Variants in PREX2 observed in about 807,000 individuals in gnomAD.
PREX2 encodes phosphatidylinositol 3,4,5-trisphosphate-dependent Rac exchanger 2 protein.
A neutral mutation model predicts 203.2 loss-of-function variants in PREX2; 107 were observed. The ratio of observed to expected loss-of-function variants is 0.53; its 90% CI spans 0.45 to 0.62. The LOEUF is 0.62. Among genes scored for constraint, PREX2 ranks in the 20% least tolerant of loss-of-function variants. The probability of loss-of-function intolerance (pLI) is 0.00; values close to 1 mark genes in which losing one functional copy is unlikely to be tolerated. For synonymous variants in PREX2, 672 were observed against 663.6 expected (o/e 1.01, Z -0.19); for missense variants, 1,777 against 1,955.9 (o/e 0.91, Z 1.72).
rs117471769 is a variant in PREX2 at position 68,025,771 on chromosome 8, C to G, written c.442-1451C>G. On this transcript the variant is annotated intron_variant, in intron 4 of 39. Transcript: ENST00000288368. ...TGAGCCACTGTGCCTGGTCAGGAAA[C>G]ATATTCTTCATGTATGTATAAGGAG... Among the ~76,000 whole-genome samples the G allele has an allele frequency of 2.6e-5, 4 of 152,080 alleles. No individual in the cohort carries two copies. In the East Asian group the frequency reaches 7.8e-4, roughly 29 times the overall value.
intron 1 of PREX2, among the ~76,000 whole-genome samples, chr8:68,012,187 A>AT (rs1329411315): frequency 3.9e-5 from 6 of 152,126 alleles, no homozygotes; most frequent in East Asian, 1.9e-4. Flanking sequence ...TTTCATATTT[A>AT]TTTTTTGTTA....
At chr8:68,188,667 C>A (rs891049374) in intron 35 of PREX2, among the ~76,000 whole-genome samples, 2 of 152,158 alleles carry the variant, frequency 1.3e-5, no homozygotes, top group African/African-American at 4.8e-5. Flanking sequence ...TGGAGGCAGG[C>A]AAGAGAGCTT....
intron 7 of PREX2, among the ~76,000 whole-genome samples, chr8:68,038,694 C>T (rs1023631727): frequency 6.6e-6 from 1 of 152,140 alleles, no homozygotes; most frequent in African/African-American, 2.4e-5. Context: ...ATGAGTCTTT[C>T]CTCTCCACTA....
chr8:68,136,040 G>A (rs1811107290), intron 32 of PREX2, among the ~76,000 whole-genome samples: 2 of 152,168 alleles, frequency 1.3e-5, no homozygotes, highest in African/African-American at 4.8e-5. Flanking sequence ...TTTAGAGGCA[G>A]AAAGTAGACT....
chr8:68,229,239 C>T (rs1813119454), intron 39 of PREX2, among the ~76,000 whole-genome samples: 1 of 152,150 alleles, frequency 6.6e-6, no homozygotes, highest in Non-Finnish European at 1.5e-5. Flanking sequence ...GCTACCTAAG[C>T]TCAAACAAGA....
chr8:67,980,463 G>A (rs571332966), intron 1 of PREX2, among the ~76,000 whole-genome samples: 1 of 132,266 alleles, frequency 7.6e-6, no homozygotes, highest in East Asian at 3.1e-4. Context: ...GGGAAGGGCC[G>A]GCAACATGTT....
chr8:68,210,216 C>T (rs1046178020), intron 37 of PREX2, among the ~76,000 whole-genome samples: 8 of 152,078 alleles, frequency 5.3e-5, no homozygotes, highest in Non-Finnish European at 1.0e-4. Context: ...AAAAGCATCC[C>T]CTACTAAAGT....
intron 1 of PREX2, among the ~76,000 whole-genome samples, chr8:67,970,225 A>T (rs759353409): frequency 2.6e-5 from 4 of 152,182 alleles, no homozygotes; most frequent in Non-Finnish European, 5.9e-5. Flanking sequence ...ATCGAAATCT[A>T]TTCCTTGGAG....
chr8:67,978,510 G>C (rs1806174487), intron 1 of PREX2, among the ~76,000 whole-genome samples: 1 of 152,010 alleles, frequency 6.6e-6, no homozygotes, highest in Admixed American at 6.6e-5. Flanking sequence ...CTATGTTTGT[G>C]GGATTATCCG....
chr8:68,160,881 G>T (rs1811640285), intron 35 of PREX2, among the ~76,000 whole-genome samples: 1 of 151,932 alleles, frequency 6.6e-6, no homozygotes. Flanking sequence ...GTAAACAAAA[G>T]ATTTTTATTA....
At chr8:68,068,454 A>G (rs187942476) in intron 11 of PREX2, among the ~76,000 whole-genome samples, 45 of 152,248 alleles carry the variant, frequency 3.0e-4, no homozygotes, top group African/African-American at 9.9e-4. Context: ...AACAGTTACA[A>G]TTTTGGCATC....
At chr8:68,094,154 T>C (rs1408326492) in intron 21 of PREX2, among the ~76,000 whole-genome samples, 2 of 152,224 alleles carry the variant, frequency 1.3e-5, no homozygotes, top group Non-Finnish European at 2.9e-5. Flanking sequence ...AGAGCAGCAG[T>C]ATCAACATCA....
intron 34 of PREX2, among the ~76,000 whole-genome samples, chr8:68,152,432 G>A (rs182220433): frequency 6.6e-6 from 1 of 150,978 alleles, no homozygotes; most frequent in African/African-American, 2.5e-5. Flanking sequence ...AGGAGTCTGT[G>A]GGAAGGTGTA....
chr8:68,165,988 C>T (rs992831912), intron 35 of PREX2, among the ~76,000 whole-genome samples: 13 of 152,092 alleles, frequency 8.5e-5, no homozygotes, highest in African/African-American at 2.7e-4. Context: ...AAAACCAGAC[C>T]ACTGGTGCCT....
At chr8:68,144,027 C>A (rs1811276856) in intron 33 of PREX2, among the ~76,000 whole-genome samples, 1 of 152,100 alleles carries the variant, frequency 6.6e-6, no homozygotes, top group African/African-American at 2.4e-5. Context: ...TCTGAGCTCT[C>A]TGTTCTATTT....
rs1807848204 is a variant in PREX2 at position 68,030,445 on chromosome 8, G to A, written c.544-52G>A. Reference sequence around the variant, plus strand: ...ATTTCCTGGTCAGTCTGAACCTGCTGTACCAGAAAGCTGAAGATCAAAGGG... The same window carrying A: ...ATTTCCTGGTCAGTCTGAACCTGCTATACCAGAAAGCTGAAGATCAAAGGG... On this transcript the variant is annotated intron_variant, in intron 5 of 39. Transcript: ENST00000288368. 6 of 1,584,012 alleles carry A rather than the reference G, an allele frequency of 3.8e-6. No individual in the cohort carries two copies. The Admixed American group carries it at 6.8e-5, about 18-fold the overall frequency.
chr8:68,027,211 T>C lies in PREX2; in HGVS notation c.442-11T>C. On this transcript the variant is annotated splice_polypyrimidine_tract_variant and intron_variant, in intron 4 of 39. Transcript: ENST00000288368. ...TAAAGATGTAATTAATTTTGATTAT[T>C]TTCACCCCAGAACTGCATGCTGCTT... 6.3e-7 allele frequency: 1 copy of C among 1,595,630 alleles called. No homozygotes were observed. The highest frequency in any genetic ancestry group is 1.1e-5 in the South Asian group (1 of 90,302).
intron 8 of PREX2, among the ~76,000 whole-genome samples, chr8:68,047,247 T>C (rs41358945): frequency 0.096 from 14,515 of 151,766 alleles, 758 homozygotes; most frequent in Middle Eastern, 0.12. Flanking sequence ...TTTGATGAGC[T>C]CAGGTTTTAA....
intron 1 of PREX2, among the ~76,000 whole-genome samples, chr8:68,008,732 G>A (rs1392703468): frequency 5.9e-5 from 9 of 152,076 alleles, no homozygotes; most frequent in Admixed American, 5.2e-4. Flanking sequence ...TACTGTTTTT[G>A]TGATAGTGAA....
Sources: gnomAD v4.1 joint callset for allele counts (sites outside exome capture counted in the v4.1 genomes callset) on GRCh38, gnomAD v4.1.1 for gene constraint, MANE v1.5 for transcripts, NCBI Gene and HGNC (gene_info 2026-07-23, HGNC 2026-07-21) for gene names.